The following PTPN5 variants were observed in gnomAD, a reference collection of about 807,000 sequenced individuals.
PTPN5 encodes the protein tyrosine-protein phosphatase non-receptor type 5.
A neutral mutation model predicts 73.9 loss-of-function variants in PTPN5; 29 were observed. The observed-to-expected ratio is 0.39, with a 90% confidence interval of 0.29 to 0.54. The LOEUF (loss-of-function observed/expected upper bound fraction) is 0.54. PTPN5 is among the 20% of genes least tolerant of loss of function. PTPN5 has a pLI of 0.65. For synonymous variants in PTPN5, 267 were observed against 304.7 expected (o/e 0.88, Z 1.29); for missense variants, 652 against 751.4 (o/e 0.87, Z 1.55).
At chr11:18,773,398 T>C (rs1275844441) in intron 1 of PTPN5, among the ~76,000 whole-genome samples, 1 of 152,034 alleles carries the variant, frequency 6.6e-6, no homozygotes, top group Non-Finnish European at 1.5e-5. Flanking sequence ...TGGTGCCTGG[T>C]GTGTGGGTGG....
intron 3 of PTPN5, among the ~76,000 whole-genome samples, chr11:18,745,947 C>T (rs1328318505): frequency 2.6e-5 from 4 of 151,628 alleles, no homozygotes; most frequent in Admixed American, 6.6e-5. Context: ...ATATCGTCTC[C>T]TCTACCCACC....
chr11:18,731,550 G>C (rs4757703), intron 12 of PTPN5, among the ~76,000 whole-genome samples: 6,060 of 152,270 alleles, frequency 0.04, 223 homozygotes, highest in East Asian at 0.21. Flanking sequence ...ATCTCAGCCT[G>C]TCTTTCTGGG....
chr11:18,791,811 G>T (rs1006054371), upstream of PTPN5: 3 of 152,048 alleles, frequency 2.0e-5, no homozygotes, highest in Non-Finnish European at 4.4e-5. Context: ...TGGCGCAGCC[G>T]CCGGGTGGGT....
intron 3 of PTPN5, among the ~76,000 whole-genome samples, chr11:18,765,021 T>C (rs1850578042): frequency 6.6e-6 from 1 of 152,202 alleles, no homozygotes; most frequent in South Asian, 2.1e-4. Context: ...CCAAAAGACT[T>C]GTCTTCTAAC....
intron 1 of PTPN5, among the ~76,000 whole-genome samples, chr11:18,781,208 A>G (rs1051913451): frequency 2.1e-5 from 3 of 142,690 alleles, no homozygotes; most frequent in Admixed American, 7.0e-5. Context: ...CATCCATGCC[A>G]CTTCCCATGA....
upstream of PTPN5, chr11:18,792,032 C>G (rs1209364538): frequency 6.6e-6 from 1 of 152,322 alleles, no homozygotes; most frequent in Non-Finnish European, 1.5e-5. Context: ...CAGTCGTCGC[C>G]CCCATGCCAA....
intron 3 of PTPN5, among the ~76,000 whole-genome samples, chr11:18,759,310 T>C (rs951437443): frequency 4.6e-5 from 7 of 152,226 alleles, no homozygotes; most frequent in African/African-American, 1.7e-4. Flanking sequence ...AAAATCTCTG[T>C]GAAGATGTCA....
chr11:18,753,105 T>C lies in PTPN5; in HGVS notation c.98-8906A>G, dbSNP rs374584895. 3.3e-5 allele frequency among the ~76,000 whole-genome samples: 5 copies of C among 152,352 alleles called. No individual in the cohort carries two copies. In the East Asian group the frequency reaches 9.6e-4, roughly 29 times the overall value. ...GGCTGGGTTCTGGCTTGGGGTTCTT[T>C]GAAACATCCTGTTAAATGCCCTCAG... On this transcript the variant is annotated intron_variant, in intron 3 of 14. Transcript: ENST00000358540.
At chr11:18,761,880 G>T (rs1470432371) in intron 3 of PTPN5, among the ~76,000 whole-genome samples, 1 of 152,214 alleles carries the variant, frequency 6.6e-6, no homozygotes, top group Admixed American at 6.5e-5. Flanking sequence ...GCAGGTGTGT[G>T]AGCCTGGAGG....
chr11:18,756,308 T>A (rs910606821), intron 3 of PTPN5, among the ~76,000 whole-genome samples: 1 of 150,038 alleles, frequency 6.7e-6, no homozygotes, highest in African/African-American at 2.5e-5. Flanking sequence ...TTTTTTTTTT[T>A]TTTTTTGAGA....
chr11:18,767,895 T>C (rs950662728), intron 2 of PTPN5, among the ~76,000 whole-genome samples: 6 of 152,220 alleles, frequency 3.9e-5, no homozygotes, highest in Non-Finnish European at 5.9e-5. Context: ...CCAGCCACAC[T>C]GGGAAGGCTC....
intron 3 of PTPN5, among the ~76,000 whole-genome samples, chr11:18,761,391 C>A (rs1850383487): frequency 6.6e-6 from 1 of 152,104 alleles, no homozygotes; most frequent in Admixed American, 6.6e-5. Flanking sequence ...AGCAGTGCCA[C>A]CTGGTGTCTT....
At chr11:18,780,177 A>G (rs1564931060) in intron 1 of PTPN5, among the ~76,000 whole-genome samples, 1 of 152,200 alleles carries the variant, frequency 6.6e-6, no homozygotes, top group Non-Finnish European at 1.5e-5. Context: ...AGAACAATGC[A>G]GGTGACAGCA....
intron 3 of PTPN5, among the ~76,000 whole-genome samples, chr11:18,753,551 C>T (rs756598043): frequency 1.3e-5 from 2 of 148,330 alleles, no homozygotes; most frequent in Non-Finnish European, 3.0e-5. Flanking sequence ...TGCTTACCTC[C>T]CCAGACTCTA....
intron 2 of PTPN5, among the ~76,000 whole-genome samples, chr11:18,767,080 G>A (rs867087070): frequency 3.9e-5 from 6 of 152,206 alleles, no homozygotes; most frequent in Middle Eastern, 3.2e-3. Context: ...CCAGTGGGAT[G>A]TGATTTCTGA....
At chr11:18,738,506 G>C (rs1433258958) in intron 8 of PTPN5, among the ~76,000 whole-genome samples, 1 of 152,146 alleles carries the variant, frequency 6.6e-6, no homozygotes, top group Admixed American at 6.5e-5. Flanking sequence ...TTCTCTCCTG[G>C]CATGTGAGGG....
Position 18,772,028 on chromosome 11 carries a change from T to G in PTPN5, c.-70A>C. On this transcript the variant is annotated 5_prime_UTR_variant, in exon 2 of 15. Transcript: ENST00000358540. ...GAAGCTTTCTCAGCAAAAAGCAAGCTGGTGATATAAATGAAGGAGAGAGGG... is the reference window on the plus strand; with the variant it reads ...GAAGCTTTCTCAGCAAAAAGCAAGCGGGTGATATAAATGAAGGAGAGAGGG... 7.8e-7 allele frequency: 1 copy of G among 1,281,976 alleles called. No homozygotes were observed. Among genetic ancestry groups the G allele is most frequent in the Non-Finnish European group, 1.1e-6 (1 of 925,684 alleles). The allele number at this position is 1,281,976 out of a possible 1,614,324, so 79.4% of individuals were successfully genotyped here. A position where few individuals can be genotyped will look rare whatever the true frequency, so the allele number is the denominator to read the frequency against.
At chr11:18,784,961 C>A (rs1309799270) in intron 1 of PTPN5, among the ~76,000 whole-genome samples, 1 of 152,096 alleles carries the variant, frequency 6.6e-6, no homozygotes, top group East Asian at 1.9e-4. Context: ...TCAAGCAATT[C>A]TCATGCCTCA....
At chr11:18,731,573 A>AG (rs1211706523) in intron 12 of PTPN5, among the ~76,000 whole-genome samples, 1 of 152,234 alleles carries the variant, frequency 6.6e-6, no homozygotes, top group Non-Finnish European at 1.5e-5. Context: ...ATTTCTACTC[A>AG]GGAAGCCATT....
Sources: gnomAD v4.1 joint callset for allele counts (sites outside exome capture counted in the v4.1 genomes callset) on GRCh38, gnomAD v4.1.1 for gene constraint, MANE v1.5 for transcripts, NCBI Gene and HGNC (gene_info 2026-07-23, HGNC 2026-07-21) for gene names.